TNNI3K: variants seen among roughly 807,000 people sequenced by gnomAD.
TNNI3K encodes serine/threonine-protein kinase TNNI3K.
A neutral mutation model predicts 114.5 loss-of-function variants in TNNI3K; 140 were observed. That is an observed-to-expected ratio of 1.22 (90% CI 1.07 to 1.41). TNNI3K has a LOEUF of 1.41. Ranked by LOEUF, TNNI3K falls within the 40% of genes most tolerant of loss-of-function variation. The pLI is 0.00. For synonymous variants in TNNI3K, 347 were observed against 347.5 expected, an observed-to-expected ratio of 1.00 and a Z score of 0.02; for missense variants, 1,125 against 1,007.6, an observed-to-expected ratio of 1.12 and a Z score of -1.58.
intron 17 of TNNI3K, among the ~76,000 whole-genome samples, chr1:74,428,632 G>A (rs983646733): frequency 3.9e-5 from 6 of 152,056 alleles, no homozygotes; most frequent in Non-Finnish European, 8.8e-5. Flanking sequence ...ACACGGAGGT[G>A]TCAAGAATGT....
At chr1:74,375,545 G>A (rs1317786853) in intron 17 of TNNI3K, 1 of 455,018 alleles carries the variant, frequency 2.2e-6, no homozygotes, top group East Asian at 7.0e-5. Flanking sequence ...CCTAAGATCA[G>A]TGCTTGAGAT....
chr1:74,419,459 T>G (rs1180954251), intron 17 of TNNI3K, among the ~76,000 whole-genome samples: 2 of 152,118 alleles, frequency 1.3e-5, no homozygotes, highest in South Asian at 2.1e-4. Flanking sequence ...TACTACACTA[T>G]CCATGCTACA....
Position 74,342,927 on chromosome 1 carries a change from A to C in TNNI3K, c.768A>C (p.Gln256His), listed in dbSNP as rs1557508464. 1 of 1,613,918 alleles carries C rather than the reference A, an allele frequency of 6.2e-7. No individual in the cohort carries two copies. Among genetic ancestry groups the C allele is most frequent in the East Asian group, 2.2e-5 (1 of 44,852 alleles). ...GHHDIVKYLL[Q>H]SDLEVQPHVV... ...ATGATATAGTTAAGTATCTGCTGCA[A>C]AGTGATTTGGAAGTTCAACCTCATG... is the stretch of plus-strand genomic sequence containing the variant. The change falls in exon 8 of 25, where the codon CAA becomes CAC. Residue 256 changes from glutamine (Q) to histidine (H), a missense_variant. By Grantham distance (24) the Gln-to-His change is conservative (BLOSUM62 0). Transcript: ENST00000326637.
intron 23 of TNNI3K, among the ~76,000 whole-genome samples, chr1:74,527,958 A>G (rs931014559): frequency 3.9e-5 from 6 of 152,168 alleles, no homozygotes; most frequent in Non-Finnish European, 8.8e-5. Context: ...AAGGGTTTCC[A>G]CAGGAGGTTG....
intron 23 of TNNI3K, among the ~76,000 whole-genome samples, chr1:74,505,624 C>T (rs181600160): frequency 5.3e-5 from 8 of 152,132 alleles, no homozygotes; most frequent in African/African-American, 1.9e-4. Flanking sequence ...GCAAAAATGG[C>T]ATCGTTCTTC....
intron 17 of TNNI3K, chr1:74,377,284 T>C (rs1570544777): frequency 6.6e-6 from 1 of 152,014 alleles, no homozygotes; most frequent in East Asian, 1.9e-4. Flanking sequence ...ATTCGTACAT[T>C]TGTGTATCGA....
At chr1:74,263,336 T>A (rs1056547781) in intron 4 of TNNI3K, among the ~76,000 whole-genome samples, 11 of 152,074 alleles carry the variant, frequency 7.2e-5, no homozygotes, top group African/African-American at 2.7e-4. Flanking sequence ...CTGTTTGTAA[T>A]CTCTGATAGT....
At chr1:74,407,110 C>T (rs1664652329) in intron 17 of TNNI3K, among the ~76,000 whole-genome samples, 1 of 152,058 alleles carries the variant, frequency 6.6e-6, no homozygotes, top group African/African-American at 2.4e-5. Context: ...TTCAACAAAG[C>T]CAAAGTTAAT....
At chr1:74,443,962 C>G (rs1666507827) in intron 20 of TNNI3K, among the ~76,000 whole-genome samples, 1 of 152,134 alleles carries the variant, frequency 6.6e-6, no homozygotes, top group Admixed American at 6.5e-5. Context: ...TTCAACATCC[C>G]TTCATGTTAA....
chr1:74,278,536 G>T (rs978660814), intron 5 of TNNI3K, among the ~76,000 whole-genome samples: 52 of 151,928 alleles, frequency 3.4e-4, no homozygotes, highest in Non-Finnish European at 7.2e-4. Context: ...CTTTTTGTAT[G>T]GTCCCCATTC....
At chr1:74,367,722 TA>T (rs1228898890) in intron 12 of TNNI3K, among the ~76,000 whole-genome samples, 185 bp from the exon 13 acceptor site, 1 of 151,976 alleles carries the variant, frequency 6.6e-6, no homozygotes, top group South Asian at 2.1e-4. Context: ...TTGGATTTTC[TA>T]AAAAATCTTT....
At chr1:74,413,693 C>T (rs762565048) in intron 17 of TNNI3K, among the ~76,000 whole-genome samples, 1 of 152,220 alleles carries the variant, frequency 6.6e-6, no homozygotes, top group Non-Finnish European at 1.5e-5. Context: ...CGAAAATTTA[C>T]GATTATAGTA....
At chr1:74,504,424 T>G (rs937811855) in intron 23 of TNNI3K, among the ~76,000 whole-genome samples, 36 of 152,104 alleles carry the variant, frequency 2.4e-4, no homozygotes, top group African/African-American at 8.5e-4. Flanking sequence ...CGAACAAAGG[T>G]GTGCAGCCTC....
At chr1:74,491,363 G>A (rs554633039) in intron 22 of TNNI3K, among the ~76,000 whole-genome samples, 1 of 152,308 alleles carries the variant, frequency 6.6e-6, no homozygotes, top group South Asian at 2.1e-4. Context: ...GGGACTACAG[G>A]TGCGTGCCAC....
chr1:74,438,082 A>G (rs1666217167), intron 19 of TNNI3K, among the ~76,000 whole-genome samples: 1 of 151,154 alleles, frequency 6.6e-6, no homozygotes, highest in Non-Finnish European at 1.5e-5. Context: ...GTGCTTAAAG[A>G]CTATGCTGCT....
chr1:74,253,625 G>A (rs183030706), intron 4 of TNNI3K, among the ~76,000 whole-genome samples: 5 of 152,158 alleles, frequency 3.3e-5, no homozygotes, highest in East Asian at 1.9e-4. Flanking sequence ...AGGACTGGCC[G>A]GCCGCTCGGA....
intron 5 of TNNI3K, among the ~76,000 whole-genome samples, chr1:74,316,680 A>G (rs1264588215): frequency 6.7e-6 from 1 of 149,618 alleles, no homozygotes; most frequent in Non-Finnish European, 1.5e-5. Flanking sequence ...TTTTTTTTTA[A>G]TTTTTATTTA....
At chr1:74,363,287 A>T (rs1570523965) in intron 11 of TNNI3K, among the ~76,000 whole-genome samples, 1 of 151,934 alleles carries the variant, frequency 6.6e-6, no homozygotes, top group Admixed American at 6.6e-5. Context: ...GTCATGGAAA[A>T]TTTCCCATAC....
At chr1:74,536,485 A>G (rs1203148421) in intron 23 of TNNI3K, among the ~76,000 whole-genome samples, 1 of 152,188 alleles carries the variant, frequency 6.6e-6, no homozygotes, top group African/African-American at 2.4e-5. Flanking sequence ...AATTATTCAT[A>G]TCCTAATGCA....
Sources: allele counts gnomAD v4.1 joint callset (sites outside exome capture counted in the v4.1 genomes callset), GRCh38; gene constraint gnomAD v4.1.1; transcripts MANE v1.5; gene names NCBI Gene and HGNC (gene_info 2026-07-23, HGNC 2026-07-21).